ANKRD44: variants seen among roughly 807,000 people sequenced by gnomAD.
The protein encoded by ANKRD44 is ankyrin repeat domain 44.
ANKRD44 carries 35 observed loss-of-function variants against 116.0 expected under a neutral mutation model. The ratio of observed to expected loss-of-function variants is 0.30; its 90% CI spans 0.23 to 0.40. The LOEUF is 0.40. Among genes scored for constraint, ANKRD44 ranks in the 10% least tolerant of loss-of-function variants. ANKRD44 has a pLI of 1.00. For missense variants in ANKRD44, 1,014 were observed against 1,242.6 expected (o/e 0.82, Z 2.77); for synonymous variants, 435 against 461.8 (o/e 0.94, Z 0.74).
intron 1 of ANKRD44, among the ~76,000 whole-genome samples, chr2:197,246,350 CTTTTT>C (rs67655796): frequency 1.1e-4 from 7 of 65,876 alleles, no homozygotes; most frequent in Admixed American, 2.5e-4. Context: ...CTACATCTGG[CTTTTT>C]TTTTTTTTTT....
At chr2:197,306,638 T>G (rs1264318374) in intron 1 of ANKRD44, among the ~76,000 whole-genome samples, 1 of 152,188 alleles carries the variant, frequency 6.6e-6, no homozygotes, top group African/African-American at 2.4e-5. Flanking sequence ...ACACCAGTGC[T>G]CTAGGGAGCC....
At chr2:197,155,383 T>C (rs1455408177) in intron 2 of ANKRD44, among the ~76,000 whole-genome samples, 1 of 152,014 alleles carries the variant, frequency 6.6e-6, no homozygotes, top group Non-Finnish European at 1.5e-5. Context: ...CCTTGGTAAA[T>C]ACAATGAAAG....
chr2:197,040,682 C>T (rs1430597412), intron 16 of ANKRD44, among the ~76,000 whole-genome samples: 1 of 151,896 alleles, frequency 6.6e-6, no homozygotes, highest in Non-Finnish European at 1.5e-5. Context: ...CGGCCTGTTT[C>T]CAGCAGGGAT....
chr2:197,182,237 T>C (rs985012661), intron 2 of ANKRD44, among the ~76,000 whole-genome samples: 4 of 152,210 alleles, frequency 2.6e-5, no homozygotes, highest in Admixed American at 2.0e-4. Flanking sequence ...TAAATAGATT[T>C]CTCAGAGTGT....
At chr2:197,072,331 ATGTGTATGTG>A (rs56714058) in intron 16 of ANKRD44, among the ~76,000 whole-genome samples, 11,318 of 152,142 alleles carry the variant, frequency 0.074, 1,388 homozygotes, top group African/African-American at 0.26. Flanking sequence ...GTGTGCACAT[ATGTGTATGTG>A]TGTGTATGTG....
intron 16 of ANKRD44, among the ~76,000 whole-genome samples, chr2:197,049,622 T>C (rs2077067743): frequency 6.6e-6 from 1 of 152,164 alleles, no homozygotes; most frequent in South Asian, 2.1e-4. Context: ...GATAACCAGA[T>C]GGTTTTCTGA....
At chr2:197,159,829 C>A (rs768515387) in intron 2 of ANKRD44, among the ~76,000 whole-genome samples, 3 of 152,084 alleles carry the variant, frequency 2.0e-5, no homozygotes, top group Non-Finnish European at 4.4e-5. Context: ...AGTGACTCAC[C>A]CAAAGTCACA....
chr2:197,062,756 C>T (rs928982766), intron 16 of ANKRD44, among the ~76,000 whole-genome samples: 1 of 152,226 alleles, frequency 6.6e-6, no homozygotes, highest in Admixed American at 6.5e-5. Flanking sequence ...TGCAAGGTGG[C>T]AGCAAGGCTG....
chr2:197,155,459 T>C (rs984956594), intron 2 of ANKRD44, among the ~76,000 whole-genome samples: 5 of 152,210 alleles, frequency 3.3e-5, no homozygotes, highest in Admixed American at 3.3e-4. Context: ...AAGGCTTGTA[T>C]GTAAAAAAGT....
chr2:197,226,049 T>C (rs1361589205), intron 1 of ANKRD44, among the ~76,000 whole-genome samples: 1 of 152,218 alleles, frequency 6.6e-6, no homozygotes, highest in African/African-American at 2.4e-5. Context: ...TACAAATCAA[T>C]GGCATAGCTT....
intron 26 of ANKRD44, 143 bp from the exon 27 acceptor site, chr2:196,993,817 G>A: frequency 1.5e-6 from 1 of 646,012 alleles, no homozygotes; most frequent in Admixed American, 2.9e-5. Flanking sequence ...AAAAAAAAAT[G>A]CTGACCAGAT....
At chr2:197,177,153 A>G (rs2080384701) in intron 2 of ANKRD44, among the ~76,000 whole-genome samples, 1 of 152,206 alleles carries the variant, frequency 6.6e-6, no homozygotes, top group African/African-American at 2.4e-5. Context: ...TTGAAACGTA[A>G]GAGTTATTAC....
At chr2:197,152,290 G>C (rs140983191) in intron 2 of ANKRD44, among the ~76,000 whole-genome samples, 1 of 152,294 alleles carries the variant, frequency 6.6e-6, no homozygotes, top group African/African-American at 2.4e-5. Context: ...AATATAAGTG[G>C]GGAAAATAAC....
intron 2 of ANKRD44, among the ~76,000 whole-genome samples, chr2:197,149,976 T>C (rs1408280540): frequency 6.6e-6 from 1 of 152,204 alleles, no homozygotes; most frequent in Non-Finnish European, 1.5e-5. Flanking sequence ...ATGACATCCT[T>C]AGGGTGTCTA....
chr2:197,164,695 C>T (rs2080063561), intron 2 of ANKRD44, among the ~76,000 whole-genome samples: 1 of 152,186 alleles, frequency 6.6e-6, no homozygotes, highest in Non-Finnish European at 1.5e-5. Context: ...CACCAGGCCT[C>T]CGCTCATTTG....
At chr2:197,098,736 A>G (rs1011283993) in intron 10 of ANKRD44, among the ~76,000 whole-genome samples, 6 of 152,228 alleles carry the variant, frequency 3.9e-5, no homozygotes, top group Admixed American at 2.0e-4. Flanking sequence ...CCAGATACCA[A>G]AGAGCTTTAC....
At chr2:197,070,879 G>A (rs1028109038) in intron 16 of ANKRD44, among the ~76,000 whole-genome samples, 1 of 152,066 alleles carries the variant, frequency 6.6e-6, no homozygotes, top group African/African-American at 2.4e-5. Context: ...AATTTCTTTA[G>A]GGGAAGTTTT....
intron 1 of ANKRD44, among the ~76,000 whole-genome samples, chr2:197,225,123 C>A (rs1474272769): frequency 2.0e-5 from 3 of 152,114 alleles, no homozygotes; most frequent in African/African-American, 7.2e-5. Context: ...AGGTGGATGA[C>A]AACTGCCTTT....
At chr2:197,071,909 T>A (rs2125099557) in intron 16 of ANKRD44, among the ~76,000 whole-genome samples, 1 of 152,262 alleles carries the variant, frequency 6.6e-6, no homozygotes, top group South Asian at 2.1e-4. Context: ...TCTCCTTGAG[T>A]GGGGTTCCAA....
Sources: allele counts gnomAD v4.1 joint callset (sites outside exome capture counted in the v4.1 genomes callset), GRCh38; gene constraint gnomAD v4.1.1; transcripts MANE v1.5; gene names NCBI Gene and HGNC (gene_info 2026-07-23, HGNC 2026-07-21).